Variants in FXR1 observed in about 807,000 individuals in gnomAD.
FXR1 encodes RNA-binding protein FXR1.
A neutral mutation model predicts 84.0 loss-of-function variants in FXR1; 15 were observed. That is an observed-to-expected ratio of 0.18 (90% confidence interval 0.12 to 0.27). FXR1 has a LOEUF of 0.27. FXR1 is among the 10% of genes least tolerant of loss of function. FXR1 has a pLI of 1.00. For missense variants in FXR1, 480 were observed against 774.4 expected (o/e 0.62, Z 4.51); for synonymous variants, 245 against 250.7 (o/e 0.98, Z 0.21).
intron 1 of FXR1, among the ~76,000 whole-genome samples, chr3:180,926,496 A>T (rs1240066080): frequency 5.0e-5 from 5 of 99,136 alleles, no homozygotes; most frequent in African/African-American, 2.6e-4. Flanking sequence ...ATATATATAT[A>T]TATATATATA....
intron 3 of FXR1, among the ~76,000 whole-genome samples, chr3:180,942,683 T>C (rs1721264962): frequency 6.6e-6 from 1 of 152,178 alleles, no homozygotes; most frequent in South Asian, 2.1e-4. Context: ...CACAGTCTCC[T>C]GGATTTTAGT....
chr3:180,915,405 G>T (rs1328472006), intron 1 of FXR1: 4 of 763,550 alleles, frequency 5.2e-6, no homozygotes, highest in African/African-American at 3.5e-5. Context: ...TATTCAGAAC[G>T]TTACGTATAT....
At chr3:180,920,706 T>C (rs1718479965) in intron 1 of FXR1, among the ~76,000 whole-genome samples, 1 of 152,122 alleles carries the variant, frequency 6.6e-6, no homozygotes, top group South Asian at 2.1e-4. Context: ...AGATGGCGAT[T>C]TGCCGTGTTG....
chr3:180,959,112 A>G (rs933538965), intron 10 of FXR1, among the ~76,000 whole-genome samples: 1 of 151,820 alleles, frequency 6.6e-6, no homozygotes, highest in African/African-American at 2.4e-5. Flanking sequence ...GGCCTTGACC[A>G]TTTCTTAATT....
chr3:180,940,021 A>G (rs1259486300), intron 3 of FXR1, among the ~76,000 whole-genome samples: 1 of 152,184 alleles, frequency 6.6e-6, no homozygotes, highest in African/African-American at 2.4e-5. Flanking sequence ...TGGTTGCTTA[A>G]ATACAGGGTT....
chr3:180,933,519 A>T, intron 2 of FXR1, 133 bp downstream of exon 2: 1 of 670,858 alleles, frequency 1.5e-6, no homozygotes, highest in Admixed American at 2.8e-5. Context: ...TTGTTTGATC[A>T]TAAGTCTAGT....
intron 13 of FXR1, among the ~76,000 whole-genome samples, chr3:180,964,571 A>G (rs928649174): frequency 6.6e-6 from 1 of 151,864 alleles, no homozygotes; most frequent in Non-Finnish European, 1.5e-5. Context: ...ATTTCTTGAA[A>G]TAGTTACTGA....
In FXR1 at chr3:180,980,502, G is replaced by A. The variant is rs771854884; in HGVS notation, c.*4210G>A. On this transcript the variant is annotated 3_prime_UTR_variant, in exon 17 of 17. Transcript: ENST00000357559. ...TTTTCATTAAAAATATTTTCCAATAGTTTTTCTAGATAAACAATTTATACT... is the reference window on the plus strand; with the variant it reads ...TTTTCATTAAAAATATTTTCCAATAATTTTTCTAGATAAACAATTTATACT... 1.1e-4 allele frequency: 17 copies of A among 151,932 alleles called. No individual in the cohort carries two copies. Among genetic ancestry groups the A allele is most frequent in the Non-Finnish European group, 1.8e-4 (12 of 67,858 alleles). 9.4% of individuals were successfully genotyped at this position (151,932 alleles called of 1,614,324 possible). A position where few individuals can be genotyped will look rare whatever the true frequency, so the allele number is the denominator to read the frequency against.
intron 2 of FXR1, among the ~76,000 whole-genome samples, chr3:180,934,822 C>T (rs1720337479): frequency 6.6e-6 from 1 of 152,132 alleles, no homozygotes; most frequent in Non-Finnish European, 1.5e-5. Flanking sequence ...GTGAACTTAG[C>T]TTATTTCATT....
chr3:180,973,513 T>C (rs1713842032), intron 15 of FXR1, among the ~76,000 whole-genome samples: 1 of 152,238 alleles, frequency 6.6e-6, no homozygotes, highest in Non-Finnish European at 1.5e-5. Flanking sequence ...TTCCCCACAC[T>C]GGCTAGAATT....
rs1721933879 is a variant in FXR1 at position 180,948,724 on chromosome 3, T to G, written c.423T>G (p.Cys141Trp). Residue 141 changes from cysteine (C) to tryptophan (W), a missense_variant, in exon 6 of 17, where the codon TGT (cysteine) becomes TGG (tryptophan). Around this residue, in one of 6 missense-constraint regions of FXR1, gnomAD observed 136 missense variants for 315.4 expected, o/e 0.43. Transcript: ENST00000357559. ...ACATAAATTGATTTCTCTCTAGGTG[T>G]GCTAATGAAAATGCACATAAAGATT... ...VDVPEDLREA[C>W]ANENAHKDFK... 6.6e-7 allele frequency: 1 copy of G among 1,521,576 alleles called. No homozygotes were observed. Among genetic ancestry groups the G allele is most frequent in the Admixed American group, 1.7e-5 (1 of 59,600 alleles). 94.3% of individuals were successfully genotyped at this position (1,521,576 alleles called of 1,614,324 possible).
At chr3:180,919,448 G>A (rs558546749) in intron 1 of FXR1, among the ~76,000 whole-genome samples, 158 of 151,336 alleles carry the variant, frequency 1.0e-3, no homozygotes, top group Middle Eastern at 3.4e-3. Context: ...CCACGCCCAG[G>A]CAATTTTTGT....
intron 1 of FXR1, among the ~76,000 whole-genome samples, chr3:180,923,957 T>C (rs1423173833): frequency 6.6e-6 from 1 of 152,068 alleles, no homozygotes; most frequent in Non-Finnish European, 1.5e-5. Flanking sequence ...CTTTTGCAGC[T>C]TGAGTTTCTG....
At position 180,970,240 on chromosome 3, in the gene FXR1, A is replaced by G. The variant is rs779369890; in HGVS notation, c.1485A>G (p.Glu495=). 1.2e-6 allele frequency: 2 copies of G among 1,600,854 alleles called. No individual in the cohort carries two copies. The highest frequency in any genetic ancestry group is 1.7e-6 in the Non-Finnish European group (2 of 1,168,244). ...AGACTGCAGACACTGATGCCAGCGA[A>G]TCTCATCACAGTACTAACCGTCGTA... ...SDQTADTDAS[E]SHHSTNRRRR... is the part of the protein sequence containing the mutation. The change falls in exon 15 of 17, where the codon GAA becomes GAG. Residue 495 remains glutamate, a synonymous_variant. Coordinates refer to ENST00000357559, the MANE Select transcript of FXR1 (RefSeq NM_005087.4).
intron 10 of FXR1, among the ~76,000 whole-genome samples, chr3:180,960,539 C>T (rs1388115705): frequency 6.6e-6 from 1 of 152,184 alleles, no homozygotes; most frequent in African/African-American, 2.4e-5. Flanking sequence ...AGTCTTGGCT[C>T]ACTGCAATCT....
At chr3:180,934,733 T>G (rs1433531963) in intron 2 of FXR1, among the ~76,000 whole-genome samples, 3 of 152,244 alleles carry the variant, frequency 2.0e-5, no homozygotes, top group Admixed American at 1.3e-4. Flanking sequence ...ATAGGTCATG[T>G]AGTTGTGAAA....
At chr3:180,956,080 A>G (rs1411397960) in intron 9 of FXR1, among the ~76,000 whole-genome samples, 1 of 152,208 alleles carries the variant, frequency 6.6e-6, no homozygotes, top group Non-Finnish European at 1.5e-5. Flanking sequence ...CTTAGTCCAA[A>G]TGAAAGAAAA....
At chr3:180,913,178 C>T (rs1445190339) in intron 1 of FXR1, among the ~76,000 whole-genome samples, 1 of 152,142 alleles carries the variant, frequency 6.6e-6, no homozygotes, top group Non-Finnish European at 1.5e-5. Context: ...TCCTCCGACC[C>T]CTCCCCACCC....
intron 15 of FXR1, chr3:180,971,014 G>A (rs1321458245): frequency 2.3e-6 from 1 of 428,464 alleles, no homozygotes; most frequent in Non-Finnish European, 3.5e-6. Flanking sequence ...AGGAAAGAAG[G>A]TTTTTTTGTT....
Sources: gnomAD v4.1 joint callset for allele counts (sites outside exome capture counted in the v4.1 genomes callset) on GRCh38, gnomAD v4.1.1 for gene constraint, gnomAD v4.1.1 regional missense constraint, MANE v1.5 for transcripts, NCBI Gene and HGNC (gene_info 2026-07-23, HGNC 2026-07-21) for gene names.